The following ENPP6 variants were observed in gnomAD, a reference collection of about 807,000 sequenced individuals.
The protein encoded by ENPP6 is glycerophosphocholine cholinephosphodiesterase ENPP6.
A neutral mutation model predicts 42.0 loss-of-function variants in ENPP6; 32 were observed. The observed-to-expected ratio is 0.76, with a 90% CI of 0.58 to 1.02. The LOEUF (loss-of-function observed/expected upper bound fraction) is 1.02, where lower values mean the gene tolerates loss of function less well. Among genes scored for constraint, ENPP6 ranks in the 50% least tolerant of loss-of-function variants. The pLI, the probability that ENPP6 is intolerant of heterozygous loss-of-function variation, is 0.00. For missense variants in ENPP6, 552 were observed against 566.8 expected (o/e 0.97, Z 0.27); for synonymous variants, 213 against 216.0 (o/e 0.99, Z 0.12).
At chr4:184,095,426 G>A (rs910059079) in intron 7 of ENPP6, among the ~76,000 whole-genome samples, 1 of 152,150 alleles carries the variant, frequency 6.6e-6, no homozygotes, top group South Asian at 2.1e-4. Context: ...TTGGGAGGCT[G>A]AGACAGGCAG....
rs1257221122 is a variant in ENPP6 at position 184,184,300 on chromosome 4, TA to T, written c.242-30568del. ...ATGACGTGTTTAAAGAAATAAAAGA[TA>T]GAATCAAAATTAGCAAGGAACAAGA... On this transcript the variant is annotated intron_variant, in intron 1 of 7. Coordinates refer to ENST00000296741, the MANE Select transcript of ENPP6 (RefSeq NM_153343.4). The surrounding 1 kb of genome is among the most constrained non-coding windows in gnomAD (Gnocchi z 4.7). 2.6e-5 allele frequency among the ~76,000 whole-genome samples: 4 copies of T among 152,110 alleles called. No homozygotes were observed. Among genetic ancestry groups the T allele is most frequent in the African/African-American group, 9.7e-5 (4 of 41,416 alleles).
At chr4:184,206,408 C>A (rs1346111487) in intron 1 of ENPP6, among the ~76,000 whole-genome samples, 1 of 106,752 alleles carries the variant, frequency 9.4e-6, no homozygotes, top group Non-Finnish European at 1.9e-5. Context: ...CAGGCGGGCG[C>A]CACCAGGCCC....
chr4:184,217,379 G>A (rs751504199), intron 1 of ENPP6, among the ~76,000 whole-genome samples, 200 bp downstream of exon 1: 20 of 152,136 alleles, frequency 1.3e-4, no homozygotes, highest in Non-Finnish European at 2.8e-4. Flanking sequence ...CAGGTCCTTG[G>A]GATAACTTTT....
chr4:184,208,887 C>A (rs934150721), intron 1 of ENPP6, among the ~76,000 whole-genome samples: 1 of 143,618 alleles, frequency 7.0e-6, no homozygotes, highest in East Asian at 2.0e-4. Flanking sequence ...AGCTGGAGAT[C>A]TGAGAACGGG....
intron 1 of ENPP6, among the ~76,000 whole-genome samples, chr4:184,156,857 A>G (rs1391528974): frequency 6.6e-6 from 1 of 152,258 alleles, no homozygotes; most frequent in Non-Finnish European, 1.5e-5. Flanking sequence ...TTTCTTAGCA[A>G]GGCCCCCAGA....
intron 7 of ENPP6, among the ~76,000 whole-genome samples, chr4:184,091,857 C>G (rs1735809180): frequency 6.6e-6 from 1 of 152,202 alleles, no homozygotes; most frequent in Non-Finnish European, 1.5e-5. Flanking sequence ...GATAGTGCCA[C>G]TGTACTCCAG....
chr4:184,110,893 A>T (rs984063845), intron 6 of ENPP6, among the ~76,000 whole-genome samples: 21 of 152,162 alleles, frequency 1.4e-4, no homozygotes, highest in African/African-American at 4.8e-4. Flanking sequence ...ACTGCGTTTC[A>T]TCACTCACTG....
intron 6 of ENPP6, among the ~76,000 whole-genome samples, chr4:184,110,020 C>A (rs1276179810): frequency 6.6e-6 from 1 of 152,054 alleles, no homozygotes; most frequent in Non-Finnish European, 1.5e-5. Context: ...TACTTGGACC[C>A]ACAGCAGAGT....
chr4:184,149,711 T>G (rs1560993270), intron 2 of ENPP6, among the ~76,000 whole-genome samples: 1 of 152,202 alleles, frequency 6.6e-6, no homozygotes, highest in Non-Finnish European at 1.5e-5. Flanking sequence ...CAAAGAGTTT[T>G]AAGCACAGAC....
At chr4:184,156,879 CATGTT>C (rs1365956583) in intron 1 of ENPP6, among the ~76,000 whole-genome samples, 5 of 152,232 alleles carry the variant, frequency 3.3e-5, no homozygotes, top group African/African-American at 7.2e-5. Context: ...ACTTCTGCAC[CATGTT>C]ATATGTTTCA....
chr4:184,122,521 A>G (rs1440819264), intron 3 of ENPP6, among the ~76,000 whole-genome samples: 7 of 150,846 alleles, frequency 4.6e-5, no homozygotes. Context: ...CCCAGCACTT[A>G]TTCCCCGCTG....
intron 1 of ENPP6, among the ~76,000 whole-genome samples, chr4:184,169,358 T>C (rs1268813341): frequency 6.6e-6 from 1 of 151,922 alleles, no homozygotes; most frequent in Non-Finnish European, 1.5e-5. Flanking sequence ...AATGTCCCCA[T>C]GTGAAGACAT....
At chr4:184,102,322 G>A (rs1396521666) in intron 6 of ENPP6, among the ~76,000 whole-genome samples, 2 of 152,176 alleles carry the variant, frequency 1.3e-5, no homozygotes, top group African/African-American at 2.4e-5. Flanking sequence ...GGGAGGGGTG[G>A]AAGGACAGGA....
At chr4:184,198,194 C>T (rs950420503) in intron 1 of ENPP6, among the ~76,000 whole-genome samples, 1 of 152,254 alleles carries the variant, frequency 6.6e-6, no homozygotes, top group African/African-American at 2.4e-5. Flanking sequence ...AGATGGGGAA[C>T]CCAAGGCTTC....
At chr4:184,100,891 C>G (rs966143193) in intron 6 of ENPP6, among the ~76,000 whole-genome samples, 1 of 152,154 alleles carries the variant, frequency 6.6e-6, no homozygotes, top group Non-Finnish European at 1.5e-5. Context: ...GGGTCGGGGC[C>G]ACAGAGGTGG....
intron 7 of ENPP6, among the ~76,000 whole-genome samples, chr4:184,095,674 A>C (rs1388905706): frequency 2.8e-5 from 4 of 143,600 alleles, no homozygotes; most frequent in South Asian, 4.2e-4. Context: ...AAATATATCT[A>C]TATATATATA....
intron 2 of ENPP6, among the ~76,000 whole-genome samples, chr4:184,149,846 A>G (rs374624161): frequency 6.6e-6 from 1 of 152,206 alleles, no homozygotes; most frequent in East Asian, 1.9e-4. Context: ...CTGCATTTCT[A>G]CACCATATCT....
chr4:184,097,421 G>C, intron 6 of ENPP6, 53 bp from the exon 7 acceptor site: 1 of 1,602,416 alleles, frequency 6.2e-7, no homozygotes. Context: ...GTGGCGCTGA[G>C]CGGGCATCTG....
chr4:184,215,817 T>C (rs1733186791), intron 1 of ENPP6, among the ~76,000 whole-genome samples: 1 of 152,084 alleles, frequency 6.6e-6, no homozygotes, highest in East Asian at 1.9e-4. Flanking sequence ...GTGCTGCCCA[T>C]AAAGGAAGGG....
Sources: gnomAD v4.1 joint callset for allele counts (sites outside exome capture counted in the v4.1 genomes callset) on GRCh38, gnomAD v4.1.1 for gene constraint, Gnocchi (gnomAD v3.1) non-coding constraint, MANE v1.5 for transcripts, NCBI Gene and HGNC (gene_info 2026-07-23, HGNC 2026-07-21) for gene names.